Variants in AP3B1 observed in about 807,000 individuals in gnomAD.
AP3B1 encodes adaptor related protein complex 3 subunit beta 1.
AP3B1 carries 61 observed loss-of-function variants against 132.5 expected under a neutral mutation model. The observed-to-expected ratio is 0.46, with a 90% CI of 0.37 to 0.57. The LOEUF (loss-of-function observed/expected upper bound fraction) is 0.57. Among genes scored for constraint, AP3B1 ranks in the 20% least tolerant of loss-of-function variants. AP3B1 has a pLI of 0.00. For synonymous variants in AP3B1, 388 were observed against 438.3 expected (o/e 0.89, Z 1.43); for missense variants, 1,120 against 1,289.4 (o/e 0.87, Z 2.01).
At chr5:78,122,120 G>A (rs1209312745) in intron 17 of AP3B1, among the ~76,000 whole-genome samples, 2 of 152,306 alleles carry the variant, frequency 1.3e-5, no homozygotes, top group East Asian at 3.9e-4. Context: ...AATAGATGCA[G>A]AAACGGCCTT....
chr5:78,126,419 C>T (rs770388891), intron 17 of AP3B1, among the ~76,000 whole-genome samples: 14 of 146,298 alleles, frequency 9.6e-5, no homozygotes, highest in South Asian at 2.2e-4. Flanking sequence ...GCAGGAGAAT[C>T]GCTTGAACCT....
chr5:78,130,562 CT>C (rs1752643348), intron 15 of AP3B1, among the ~76,000 whole-genome samples: 2 of 152,004 alleles, frequency 1.3e-5, no homozygotes, highest in Admixed American at 6.6e-5. Context: ...CCAACAATTG[CT>C]ATTCACTAAT....
At chr5:78,059,280 C>T (rs75864917) in intron 22 of AP3B1, among the ~76,000 whole-genome samples, 1 of 152,288 alleles carries the variant, frequency 6.6e-6, no homozygotes, top group Non-Finnish European at 1.5e-5. Context: ...AGTCAAAAAA[C>T]AAAAACCAAA....
chr5:78,218,669 T>C, intron 6 of AP3B1, among the ~76,000 whole-genome samples: 1 of 152,188 alleles, frequency 6.6e-6, no homozygotes, highest in East Asian at 1.9e-4. Context: ...AAATTTTCTA[T>C]AAAATTATGA....
At chr5:78,007,946 C>T (rs530950532) in intron 26 of AP3B1, among the ~76,000 whole-genome samples, 177 of 152,202 alleles carry the variant, frequency 1.2e-3, no homozygotes, top group Non-Finnish European at 1.6e-3. Flanking sequence ...TTTCCTCTAA[C>T]GTTCAAATGA....
chr5:78,141,756 G>A (rs980121342), intron 14 of AP3B1, among the ~76,000 whole-genome samples: 21 of 152,236 alleles, frequency 1.4e-4, no homozygotes, highest in Admixed American at 1.2e-3. Flanking sequence ...GCTGACCCCT[G>A]CTCTAGAACA....
At chr5:78,085,423 C>T (rs745337687) in intron 22 of AP3B1, among the ~76,000 whole-genome samples, 3 of 152,060 alleles carry the variant, frequency 2.0e-5, no homozygotes, top group Admixed American at 6.5e-5. Flanking sequence ...ATAAAGTACA[C>T]ATATCTTAAG....
chr5:78,021,954 T>C lies in AP3B1; in HGVS notation c.2895-1165A>G, dbSNP rs193063702. 1.3e-3 allele frequency among the ~76,000 whole-genome samples: 191 copies of C among 152,270 alleles called. 1 individual carries two copies. Among genetic ancestry groups the C allele is most frequent in the African/African-American group, 4.5e-3 (187 of 41,566 alleles). ...GAACTGGATCCCACAGCCTGTGAGA[T>C]GGTAGCTAGAGAAACAGGGATTGTG... is the stretch of plus-strand genomic sequence containing the variant. On this transcript the variant is annotated intron_variant, in intron 24 of 26. Coordinates refer to ENST00000255194, the MANE Select transcript of AP3B1 (RefSeq NM_003664.5).
At chr5:78,031,648 C>T (rs1276161480) in intron 24 of AP3B1, among the ~76,000 whole-genome samples, 1 of 151,874 alleles carries the variant, frequency 6.6e-6, no homozygotes, top group Non-Finnish European at 1.5e-5. Context: ...GTCTTAAGAC[C>T]CCTACTCATG....
chr5:78,209,129 T>C (rs1442757854), intron 7 of AP3B1, among the ~76,000 whole-genome samples: 1 of 151,870 alleles, frequency 6.6e-6, no homozygotes, highest in Admixed American at 6.6e-5. Context: ...ATAAAATTCT[T>C]ACCCCACAAC....
At chr5:78,237,117 T>A (rs1223838122) in intron 3 of AP3B1, among the ~76,000 whole-genome samples, 1 of 152,230 alleles carries the variant, frequency 6.6e-6, no homozygotes, top group Non-Finnish European at 1.5e-5. Flanking sequence ...TTATCCAACT[T>A]AGTCTAATTG....
intron 7 of AP3B1, among the ~76,000 whole-genome samples, chr5:78,194,033 C>G (rs900899990): frequency 1.3e-5 from 2 of 151,912 alleles, no homozygotes; most frequent in South Asian, 4.2e-4. Flanking sequence ...TCCCAAAGTG[C>G]CTGGATTACA....
chr5:78,284,930 T>C (rs1463994042), intron 1 of AP3B1, among the ~76,000 whole-genome samples: 1 of 152,174 alleles, frequency 6.6e-6, no homozygotes, highest in East Asian at 1.9e-4. Context: ...TGCTGCTCCA[T>C]TTCTCTGCTC....
chr5:78,129,415 A>C, intron 15 of AP3B1, 108 bp from the exon 16 acceptor site: 1 of 983,856 alleles, frequency 1.0e-6, no homozygotes, highest in Non-Finnish European at 1.6e-6. Context: ...TATGTCAAAC[A>C]AATGTTGTTC....
intron 11 of AP3B1, among the ~76,000 whole-genome samples, chr5:78,168,266 G>A (rs1486793964): frequency 4.2e-5 from 6 of 143,218 alleles, no homozygotes; most frequent in African/African-American, 1.3e-4. Flanking sequence ...CTCTGTCACC[G>A]AGGGTGGAGT....
chr5:78,101,112 T>C, intron 20 of AP3B1, 87 bp from the exon 21 acceptor site: 1 of 751,526 alleles, frequency 1.3e-6, no homozygotes, highest in Non-Finnish European at 2.2e-6. Flanking sequence ...CAAACTTTTT[T>C]TTCCTCTGCT....
intron 1 of AP3B1, 72 bp from the exon 2 acceptor site, chr5:78,267,667 C>A: frequency 1.0e-6 from 1 of 953,760 alleles, no homozygotes; most frequent in South Asian, 1.4e-5. Flanking sequence ...ATATCATTTT[C>A]ATAAGAATTA....
chr5:78,060,182 T>C (rs918327005), intron 22 of AP3B1, among the ~76,000 whole-genome samples: 1 of 152,220 alleles, frequency 6.6e-6, no homozygotes, highest in African/African-American at 2.4e-5. Flanking sequence ...GTCAGATGTT[T>C]ATAAAAGTTA....
intron 5 of AP3B1, among the ~76,000 whole-genome samples, chr5:78,226,113 A>G (rs1010763756): frequency 6.6e-6 from 1 of 152,088 alleles, no homozygotes; most frequent in Non-Finnish European, 1.5e-5. Context: ...TAAGCTTAAA[A>G]CATTTGAGAT....
Sources: allele counts gnomAD v4.1 joint callset (sites outside exome capture counted in the v4.1 genomes callset), GRCh38; gene constraint gnomAD v4.1.1; transcripts MANE v1.5; gene names NCBI Gene and HGNC (gene_info 2026-07-23, HGNC 2026-07-21).